PDK2: variants seen among roughly 807,000 people sequenced by gnomAD.
PDK2 encodes pyruvate dehydrogenase kinase, isozyme 2.
In PDK2, 34 loss-of-function variants were observed where a neutral mutation model predicts 50.4. The observed-to-expected ratio is 0.68, with a 90% CI of 0.51 to 0.90. The LOEUF (loss-of-function observed/expected upper bound fraction) is 0.90. Among genes scored for constraint, PDK2 ranks in the 40% least tolerant of loss-of-function variants. The pLI is 0.00. For missense variants in PDK2, 377 were observed against 544.5 expected (o/e 0.69, Z 3.06); for synonymous variants, 232 against 216.0 (o/e 1.07, Z -0.65).
chr17:50,106,618 G>A, intron 4 of PDK2, 176 bp from the exon 5 acceptor site: 1 of 626,904 alleles, frequency 1.6e-6, no homozygotes, highest in Non-Finnish European at 2.8e-6. Context: ...AGCCAGGGCT[G>A]GAGGGGTCAG....
chr17:50,106,729 G>A (rs1342963807), intron 4 of PDK2, 65 bp from the exon 5 acceptor site: 5 of 1,353,244 alleles, frequency 3.7e-6, no homozygotes, highest in Non-Finnish European at 5.3e-6. Context: ...GGAAAGCCCG[G>A]GGGAAGAGGG....
chr17:50,106,087 C>T lies in PDK2; in HGVS notation c.517+18C>T, dbSNP rs754528676. The T allele has an allele frequency of 2.5e-5, 39 of 1,577,872 alleles. No individual in the cohort carries two copies. In the East Asian group the frequency reaches 6.2e-4, roughly 25 times the overall value. On this transcript the variant is annotated intron_variant, in intron 4 of 10. Transcript: ENST00000503176. ...CCAGCACAGTGGGTGCCGGCCACAG[C>T]GGCGGGGAGCGGGCGGTGGGGGGGG...
Position 50,106,873 on chromosome 17 carries a change from G to A in PDK2, c.597G>A (p.Glu199=), listed in dbSNP as rs199630812. 5.0e-6 allele frequency: 8 copies of A among 1,613,818 alleles called. No individual in the cohort carries two copies. In the Admixed American group the frequency reaches 5.0e-5, roughly 10 times the overall value. ...TCGACCCCAACTGCAACGTCTCTGA[G>A]GTGGTCAAAGGTGAGCCATTCCCAC... is the stretch of plus-strand genomic sequence containing the variant. ...GSIDPNCNVS[E]VVKDAYDMAK... The change falls in exon 5 of 11, where the codon GAG becomes GAA. Residue 199 remains glutamate (E), a synonymous_variant. Coordinates refer to ENST00000503176, the MANE Select transcript of PDK2 (RefSeq NM_002611.5).
rs1910215074 is a variant in PDK2, at chr17:50,101,295, A to G, written c.260+3731A>G. On this transcript the variant is annotated intron_variant, in intron 2 of 10. Coordinates refer to ENST00000503176, the MANE Select transcript of PDK2 (RefSeq NM_002611.5). This position sits in a 1 kb window ranked among gnomAD's most constrained non-coding sequence, Gnocchi z 4.2. ...CTCCTTGCATGACCGAGCAGGACCG[A>G]CCACTTACTGCGCATGTACTCGAGG... Among the ~76,000 whole-genome samples the G allele has an allele frequency of 6.6e-6, 1 of 152,064 alleles. No individual in the cohort carries two copies. The highest frequency in any genetic ancestry group is 1.5e-5 in the Non-Finnish European group (1 of 67,986).
rs56409353 is a variant in PDK2, at chr17:50,109,453, C to G, written c.1083+53C>G. On this transcript the variant is annotated intron_variant, in intron 10 of 10. Coordinates refer to ENST00000503176, the MANE Select transcript of PDK2 (RefSeq NM_002611.5). The surrounding 1 kb of genome is among the most constrained non-coding windows in gnomAD (Gnocchi z 5.0). The stretch of plus-strand genomic sequence containing the variant: ...TGGAGAAGAGCTTTGCTGATAGGAC[C>G]TGGGCAGCCTTGGCCAGCTGCGAGC... 168,223 of 1,234,546 alleles carry G rather than the reference C, an allele frequency of 0.14. 12,692 individuals are homozygous for G. Among genetic ancestry groups the G allele is most frequent in the Non-Finnish European group, 0.15 (130,094 of 862,994 alleles). 76.5% of individuals were successfully genotyped at this position (1,234,546 alleles called of 1,614,324 possible). A position where few individuals can be genotyped will look rare whatever the true frequency, so the allele number is the denominator to read the frequency against.
At chr17:50,097,625 G>T in intron 2 of PDK2, 61 bp downstream of exon 2, 1 of 1,587,962 alleles carries the variant, frequency 6.3e-7, no homozygotes, top group Non-Finnish European at 8.6e-7. Flanking sequence ...CTGGGCTCAG[G>T]GATGGCATCT....
intron 2 of PDK2, 72 bp from the exon 3 acceptor site, chr17:50,105,299 A>T: frequency 9.0e-7 from 1 of 1,110,210 alleles, no homozygotes; most frequent in Non-Finnish European, 1.3e-6. Context: ...AGCAAGGCCC[A>T]GTTGAATGAA....
intron 9 of PDK2, 45 bp downstream of exon 9, chr17:50,108,764 T>G (rs1910655940): frequency 5.4e-6 from 6 of 1,107,882 alleles, no homozygotes; most frequent in Non-Finnish European, 7.7e-6. Flanking sequence ...TGAGGGAGGC[T>G]TCTCTCCTCA....
At chr17:50,099,216 C>T (rs932633177) in intron 2 of PDK2, among the ~76,000 whole-genome samples, 1 of 152,232 alleles carries the variant, frequency 6.6e-6, no homozygotes, top group African/African-American at 2.4e-5. Context: ...TATCCGGCTG[C>T]CTGACCTGGC....
Position 50,106,068 on chromosome 17 carries a change from C to T in PDK2, c.516C>T (p.His172=). 6.3e-7 allele frequency: 1 copy of T among 1,597,944 alleles called. No homozygotes were observed. Among genetic ancestry groups the T allele is most frequent in the Non-Finnish European group, 8.5e-7 (1 of 1,172,144 alleles). Residue 172 remains histidine, a splice_region_variant and synonymous_variant, in exon 4 of 11, where the codon CAC becomes CAT. Transcript: ENST00000503176. ...CCATCCGCATGCTCATCAACCAGCA[C>T]AGTGGGTGCCGGCCACAGCGGCGGG... The part of the protein sequence containing the change: ...RISIRMLINQ[H]TLIFDGSTNP...
chr17:50,105,637 C>T (rs1225121788), intron 3 of PDK2, among the ~76,000 whole-genome samples, 195 bp downstream of exon 3: 1 of 152,216 alleles, frequency 6.6e-6, no homozygotes, highest in Non-Finnish European at 1.5e-5. Flanking sequence ...TCCATTCTCA[C>T]TGTTCCCTGA....
chr17:50,108,166 C>T lies in PDK2; in HGVS notation c.696C>T (p.Ser232=), dbSNP rs1330140831. The change falls in exon 7 of 11, where the codon TCC becomes TCT. Residue 232 remains serine, a synonymous_variant. Transcript: ENST00000503176. The part of the protein sequence containing the change: ...LEIQEINAAN[S]KQPIHMVYVP... ...TGACTTGCCCTGTAGCAGCCAACTCCAAACAGCCGATTCACATGGTCTACG... is the reference window on the plus strand; with the variant it reads ...TGACTTGCCCTGTAGCAGCCAACTCTAAACAGCCGATTCACATGGTCTACG... The T allele has an allele frequency of 6.3e-7, 1 of 1,593,286 alleles. No individual in the cohort carries two copies. The highest frequency in any genetic ancestry group is 1.7e-5 in the Admixed American group (1 of 57,278).
At chr17:50,107,185 T>C in intron 6 of PDK2, 32 bp downstream of exon 6, 2 of 1,592,832 alleles carry the variant, frequency 1.3e-6, no homozygotes, top group South Asian at 1.1e-5. Context: ...TGTGTCTGTC[T>C]TGGGGCTGGG....
rs1157445360 is a variant in PDK2 at position 50,101,644 on chromosome 17, A to G, written c.261-3727A>G. 6.6e-6 allele frequency among the ~76,000 whole-genome samples: 1 copy of G among 152,056 alleles called. No individual in the cohort carries two copies. ...ATTACACACACTCCCCCGCTGGCTC[A>G]GCACCCCCTCTGCTCCCACACAGGG... On this transcript the variant is annotated intron_variant, in intron 2 of 10. Coordinates refer to ENST00000503176, the MANE Select transcript of PDK2 (RefSeq NM_002611.5). This position sits in a 1 kb window ranked among gnomAD's most constrained non-coding sequence, Gnocchi z 4.2.
At chr17:50,106,176 G>T in intron 4 of PDK2, 107 bp downstream of exon 4, 1 of 1,525,938 alleles carries the variant, frequency 6.6e-7, no homozygotes, top group South Asian at 1.2e-5. Flanking sequence ...ACCCCACAAA[G>T]GGAGTCTTTG....
In PDK2 at chr17:50,110,292, C is replaced by T. The variant is rs1208086601; in HGVS notation, c.*195C>T. Reference sequence around the variant, plus strand: ...CCAGTCCATCTCTGTGGAGACCCCTCGGTGGCCTCCCTATCTCTGTGGGCG... The same window carrying T: ...CCAGTCCATCTCTGTGGAGACCCCTTGGTGGCCTCCCTATCTCTGTGGGCG... On this transcript the variant is annotated 3_prime_UTR_variant, in exon 11 of 11. Transcript: ENST00000503176. The T allele has an allele frequency of 8.4e-6, 4 of 478,430 alleles. No individual in the cohort carries two copies. The highest frequency in any genetic ancestry group is 4.0e-5 in the African/African-American group (2 of 50,208). 29.6% of individuals were successfully genotyped at this position (478,430 alleles called of 1,614,324 possible).
rs764851426 is a variant in PDK2 at position 50,109,307 on chromosome 17, C to T, written c.990C>T (p.Leu330=). 40 of 1,613,178 alleles carry T rather than the reference C, an allele frequency of 2.5e-5. No homozygotes were observed. The East Asian group carries it at 8.9e-4, about 36-fold the overall frequency. The change falls in exon 10 of 11, where the codon CTC becomes CTT. Residue 330 remains leucine (L), a synonymous_variant. Transcript: ENST00000503176. The surrounding 1 kb of genome is among the most constrained non-coding windows in gnomAD (Gnocchi z 5.0). ...TGCAGGCTGGCTTTGGTTATGGGCT[C>T]CCCATTTCCCGCCTCTACGCCAAGT... ...GTPLAGFGYG[L]PISRLYAKYF... is the part of the protein sequence containing the mutation.
Position 50,108,712 on chromosome 17 carries a change from C to G in PDK2, c.962C>G (p.Thr321Arg), listed in dbSNP as rs570482316. The change falls in exon 9 of 11, where the codon ACG (threonine) becomes AGG (arginine). Residue 321 changes from threonine to arginine, a missense_variant. Thr to Arg is a moderately conservative substitution (Grantham distance 71). Transcript: ENST00000503176. The stretch of plus-strand genomic sequence containing the variant: ...ACCCCCCAGCCTGGCACCGGGGGAA[C>G]GCCGCTGGTGAGATGGCTTCACCCC... Reference protein sequence around the residue: ...APTPQPGTGGTPLAGFGYGLP... With the variant: ...APTPQPGTGGRPLAGFGYGLP... The G allele has an allele frequency of 6.2e-7, 1 of 1,605,590 alleles. No homozygotes were observed. Among genetic ancestry groups the G allele is most frequent in the Non-Finnish European group, 8.5e-7 (1 of 1,173,804 alleles).
intron 1 of PDK2, among the ~76,000 whole-genome samples, chr17:50,096,825 A>G (rs1909974847): frequency 1.3e-5 from 2 of 152,326 alleles, no homozygotes; most frequent in South Asian, 4.1e-4. Flanking sequence ...GGCCAAGGCC[A>G]TATTCGGTCC....
Sources: gnomAD v4.1 joint callset for allele counts (sites outside exome capture counted in the v4.1 genomes callset) on GRCh38, gnomAD v4.1.1 for gene constraint, Gnocchi (gnomAD v3.1) non-coding constraint, MANE v1.5 for transcripts, NCBI Gene and HGNC (gene_info 2026-07-23, HGNC 2026-07-21) for gene names.